ZFPM2: variants seen among roughly 807,000 people sequenced by gnomAD.
The protein encoded by ZFPM2 is zinc finger protein, FOG family member 2.
A neutral mutation model predicts 98.6 loss-of-function variants in ZFPM2; 20 were observed. That is an observed-to-expected ratio of 0.20 (90% CI 0.14 to 0.29). The LOEUF is 0.29. ZFPM2 is among the 10% of genes least tolerant of loss of function. The probability of loss-of-function intolerance (pLI) is 1.00; values close to 1 mark genes in which losing one functional copy is unlikely to be tolerated. For synonymous variants in ZFPM2, 518 were observed against 502.7 expected, an observed-to-expected ratio of 1.03 and a Z score of -0.41; for missense variants, 1,310 against 1,388.6, an observed-to-expected ratio of 0.94 and a Z score of 0.90.
intron 2 of ZFPM2, among the ~76,000 whole-genome samples, chr8:105,422,154 T>G (rs1449272905): frequency 6.6e-6 from 1 of 151,020 alleles, no homozygotes; most frequent in African/African-American, 2.4e-5. Flanking sequence ...AAAGTATTTT[T>G]AGGCCGGGCG....
intron 1 of ZFPM2, among the ~76,000 whole-genome samples, chr8:105,396,190 A>G (rs1182509986): frequency 1.3e-5 from 2 of 152,224 alleles, no homozygotes; most frequent in African/African-American, 4.8e-5. Context: ...GAAGGAACAA[A>G]AGACATAGGG....
chr8:105,676,653 A>G (rs1274670102), intron 5 of ZFPM2, among the ~76,000 whole-genome samples: 1 of 152,028 alleles, frequency 6.6e-6, no homozygotes, highest in Non-Finnish European at 1.5e-5. Context: ...ATTTAAATAT[A>G]TAAGAGCAAT....
At chr8:105,727,526 G>T (rs1224973032) in intron 5 of ZFPM2, among the ~76,000 whole-genome samples, 1 of 151,686 alleles carries the variant, frequency 6.6e-6, no homozygotes, top group African/African-American at 2.4e-5. Context: ...TATGCAACCA[G>T]TAGTTTTAAC....
chr8:105,463,529 TGAA>T (rs1000969013), intron 3 of ZFPM2, among the ~76,000 whole-genome samples: 1 of 152,004 alleles, frequency 6.6e-6, no homozygotes, highest in Non-Finnish European at 1.5e-5. Context: ...AACTTGCAAT[TGAA>T]GAAGAGAAGC....
chr8:105,696,614 A>G (rs1318878913), intron 5 of ZFPM2, among the ~76,000 whole-genome samples: 2 of 152,232 alleles, frequency 1.3e-5, no homozygotes, highest in South Asian at 2.1e-4. Context: ...TAGCATTCGC[A>G]TAGCTGCCTC....
At chr8:105,406,207 T>G (rs1219956869) in intron 1 of ZFPM2, among the ~76,000 whole-genome samples, 1 of 152,120 alleles carries the variant, frequency 6.6e-6, no homozygotes, top group Non-Finnish European at 1.5e-5. Context: ...TTGCAAAAAT[T>G]TTCTCCCATT....
chr8:105,567,994 T>G (rs913703879), intron 4 of ZFPM2, among the ~76,000 whole-genome samples: 1 of 152,058 alleles, frequency 6.6e-6, no homozygotes, highest in African/African-American at 2.4e-5. Context: ...TACCATACTT[T>G]CCTATTTCTC....
intron 3 of ZFPM2, among the ~76,000 whole-genome samples, chr8:105,459,199 A>G (rs1812658298): frequency 1.3e-5 from 2 of 152,076 alleles, no homozygotes; most frequent in Non-Finnish European, 2.9e-5. Context: ...GGTGTACACA[A>G]TCATGCCCAG....
intron 3 of ZFPM2, among the ~76,000 whole-genome samples, chr8:105,450,851 C>T (rs760262943): frequency 7.3e-4 from 111 of 151,912 alleles, no homozygotes; most frequent in Non-Finnish European, 1.4e-3. Context: ...AAGTGGATAT[C>T]GGATTAAAAG....
chr8:105,347,600 C>A (rs1332391648), intron 1 of ZFPM2, among the ~76,000 whole-genome samples: 5 of 151,994 alleles, frequency 3.3e-5, no homozygotes, highest in Non-Finnish European at 7.4e-5. Flanking sequence ...ACATGCCAAG[C>A]CAGCAGTGAC....
chr8:105,795,246 T>TTTTGTGTG (rs1554582314), intron 6 of ZFPM2, among the ~76,000 whole-genome samples: 11 of 138,228 alleles, frequency 8.0e-5, no homozygotes, highest in Admixed American at 7.9e-4. Context: ...CATTTTATCT[T>TTTTGTGTG]TGTGTGTGTG....
intron 4 of ZFPM2, among the ~76,000 whole-genome samples, chr8:105,575,281 G>C (rs1464135360): frequency 2.0e-5 from 3 of 152,070 alleles, no homozygotes; most frequent in Non-Finnish European, 4.4e-5. Context: ...GTTAATCTGC[G>C]CCCTGTGGCA....
intron 3 of ZFPM2, among the ~76,000 whole-genome samples, chr8:105,542,629 G>T (rs994761852): frequency 6.6e-6 from 1 of 152,146 alleles, no homozygotes; most frequent in Non-Finnish European, 1.5e-5. Flanking sequence ...GTTCTTCAGG[G>T]TCTACTGTGG....
intron 5 of ZFPM2, among the ~76,000 whole-genome samples, chr8:105,749,718 G>C (rs1038075580): frequency 6.6e-6 from 1 of 151,930 alleles, no homozygotes; most frequent in Non-Finnish European, 1.5e-5. Context: ...AGAAGAGAAG[G>C]AGAATGTAGG....
At chr8:105,372,004 AATTATTATTATTATTATT>A (rs139489210) in intron 1 of ZFPM2, among the ~76,000 whole-genome samples, 69,788 of 145,640 alleles carry the variant, frequency 0.48, 17,822 homozygotes, top group Admixed American at 0.59. Context: ...AAAATAGTGA[AATTATTATTATTATTATT>A]ATTATTATTA....
intron 1 of ZFPM2, among the ~76,000 whole-genome samples, chr8:105,393,350 C>CTTTT (rs1462657289): frequency 1.2e-5 from 1 of 85,106 alleles, no homozygotes; most frequent in Admixed American, 1.4e-4. Context: ...TTCTTTCTTT[C>CTTTT]TTTCTTTCTT....
intron 5 of ZFPM2, among the ~76,000 whole-genome samples, chr8:105,761,514 C>T (rs1213889975): frequency 6.6e-6 from 1 of 151,842 alleles, no homozygotes; most frequent in Non-Finnish European, 1.5e-5. Flanking sequence ...CTTCTTATTT[C>T]TCTTTTTTTA....
At chr8:105,696,950 A>G (rs1811032176) in intron 5 of ZFPM2, among the ~76,000 whole-genome samples, 1 of 152,194 alleles carries the variant, frequency 6.6e-6, no homozygotes, top group African/African-American at 2.4e-5. Context: ...TGAACTTGAT[A>G]TGTATTTGAT....
chr8:105,472,318 C>G (rs1378811472), intron 3 of ZFPM2, among the ~76,000 whole-genome samples: 2 of 152,178 alleles, frequency 1.3e-5, no homozygotes, highest in African/African-American at 4.8e-5. Context: ...ACTGCTTCAT[C>G]CAAGTAAGTA....
Sources: gnomAD v4.1 joint callset for allele counts (sites outside exome capture counted in the v4.1 genomes callset) on GRCh38, gnomAD v4.1.1 for gene constraint, MANE v1.5 for transcripts, NCBI Gene and HGNC (gene_info 2026-07-23, HGNC 2026-07-21) for gene names.